Variants in ASTN2 observed in about 807,000 individuals in gnomAD.
ASTN2 encodes the protein astrotactin 2, also known as astrotactin-2.
A neutral mutation model predicts 139.8 loss-of-function variants in ASTN2; 54 were observed. That is an observed-to-expected ratio of 0.39 (90% CI 0.31 to 0.48). The LOEUF (loss-of-function observed/expected upper bound fraction) is 0.48, where lower values mean the gene tolerates loss of function less well. Among genes scored for constraint, ASTN2 ranks in the 20% least tolerant of loss-of-function variants. The probability of loss-of-function intolerance (pLI) is 0.95; values close to 1 mark genes in which losing one functional copy is unlikely to be tolerated. For synonymous variants in ASTN2, 756 were observed against 719.5 expected, an observed-to-expected ratio of 1.05 and a Z score of -0.81; for missense variants, 1,565 against 1,725.1, an observed-to-expected ratio of 0.91 and a Z score of 1.64.
At chr9:116,458,178 T>C (rs556402750) in intron 20 of ASTN2, among the ~76,000 whole-genome samples, 1 of 151,350 alleles carries the variant, frequency 6.6e-6, no homozygotes, top group Non-Finnish European at 1.5e-5. Flanking sequence ...CTAATCGAGC[T>C]AGAGGATAGA....
chr9:116,650,572 T>C (rs948800321), intron 17 of ASTN2, among the ~76,000 whole-genome samples: 1 of 152,152 alleles, frequency 6.6e-6, no homozygotes, highest in African/African-American at 2.4e-5. Flanking sequence ...CAATTTCATA[T>C]GAATCGAACC....
intron 2 of ASTN2, among the ~76,000 whole-genome samples, chr9:117,255,118 T>C (rs977643665): frequency 6.6e-6 from 1 of 152,212 alleles, no homozygotes; most frequent in Non-Finnish European, 1.5e-5. Context: ...CTTATTCCAT[T>C]CTGGGCATCC....
At chr9:116,526,829 T>C (rs1045972801) in intron 19 of ASTN2, among the ~76,000 whole-genome samples, 4 of 152,094 alleles carry the variant, frequency 2.6e-5, no homozygotes, top group African/African-American at 9.7e-5. Flanking sequence ...AAGCAAGTGA[T>C]TAGAGAATGT....
chr9:117,040,317 G>A (rs1239327214), intron 5 of ASTN2, among the ~76,000 whole-genome samples: 1 of 152,198 alleles, frequency 6.6e-6, no homozygotes, highest in Non-Finnish European at 1.5e-5. Context: ...AGAGGCAAGT[G>A]AGAAGATACC....
intron 3 of ASTN2, among the ~76,000 whole-genome samples, chr9:117,206,473 ACTT>A (rs1187268208): frequency 6.6e-6 from 1 of 152,116 alleles, no homozygotes; most frequent in African/African-American, 2.4e-5. Flanking sequence ...CAGCATGTGT[ACTT>A]CTCACTTCCA....
At chr9:116,638,505 G>A (rs1857177775) in intron 17 of ASTN2, among the ~76,000 whole-genome samples, 1 of 149,606 alleles carries the variant, frequency 6.7e-6, no homozygotes, top group African/African-American at 2.4e-5. Context: ...TTTGTCTACA[G>A]GTTTTTCAAT....
At chr9:116,450,904 TC>T (rs1489208899) in intron 20 of ASTN2, among the ~76,000 whole-genome samples, 2 of 152,320 alleles carry the variant, frequency 1.3e-5, no homozygotes, top group East Asian at 3.9e-4. Context: ...AGGACTCCCA[TC>T]CTAGTTTCTA....
chr9:116,959,181 T>C (rs1835808845), intron 10 of ASTN2, among the ~76,000 whole-genome samples: 1 of 152,110 alleles, frequency 6.6e-6, no homozygotes, highest in Non-Finnish European at 1.5e-5. Context: ...GCTTCTACAA[T>C]GGATGTGTGA....
intron 2 of ASTN2, among the ~76,000 whole-genome samples, chr9:117,261,386 C>T (rs1462884045): frequency 6.6e-6 from 1 of 152,166 alleles, no homozygotes; most frequent in East Asian, 1.9e-4. Flanking sequence ...GCATAGGCAG[C>T]AGATCTGTTC....
chr9:116,459,814 C>T (rs1223290905), intron 20 of ASTN2, among the ~76,000 whole-genome samples: 2 of 152,004 alleles, frequency 1.3e-5, no homozygotes, highest in Non-Finnish European at 2.9e-5. Context: ...AAATGCAGAA[C>T]GGTGCAGCCA....
At chr9:116,502,806 T>C (rs1191665108) in intron 19 of ASTN2, among the ~76,000 whole-genome samples, 4 of 69,474 alleles carry the variant, frequency 5.8e-5, no homozygotes, top group Admixed American at 1.8e-4. Context: ...AGGAAGGAGG[T>C]AGAAAAGAAG....
intron 18 of ASTN2, 57 bp from the exon 19 acceptor site, chr9:116,618,529 A>G (rs1030156574): frequency 2.8e-5 from 43 of 1,548,356 alleles, no homozygotes; most frequent in Non-Finnish European, 3.4e-5. Context: ...CTGGGGCCCA[A>G]AAGAATCCGC....
At chr9:116,759,303 T>C (rs1829615813) in intron 13 of ASTN2, among the ~76,000 whole-genome samples, 1 of 152,206 alleles carries the variant, frequency 6.6e-6, no homozygotes, top group African/African-American at 2.4e-5. Flanking sequence ...CCTAGACCTT[T>C]AGCCCTATAG....
chr9:117,211,127 T>G (rs1017648834), intron 3 of ASTN2, among the ~76,000 whole-genome samples: 2 of 151,938 alleles, frequency 1.3e-5, no homozygotes, highest in Admixed American at 1.3e-4. Flanking sequence ...AAGACAAAAA[T>G]GTCCACTCTA....
chr9:117,104,617 T>C (rs150391373), intron 4 of ASTN2, among the ~76,000 whole-genome samples: 81 of 152,310 alleles, frequency 5.3e-4, no homozygotes, highest in African/African-American at 1.7e-3. Flanking sequence ...ATAAAATATA[T>C]GTAAATACAC....
intron 10 of ASTN2, among the ~76,000 whole-genome samples, chr9:116,936,498 G>A (rs576787829): frequency 2.0e-5 from 3 of 152,134 alleles, no homozygotes; most frequent in African/African-American, 7.2e-5. Context: ...AAGGTCACTC[G>A]ATCAGCAAGT....
intron 13 of ASTN2, among the ~76,000 whole-genome samples, chr9:116,739,612 CTTG>C (rs1203362988): frequency 3.3e-5 from 5 of 152,316 alleles, no homozygotes; most frequent in East Asian, 1.9e-4. Context: ...CTTATAGTAT[CTTG>C]TTGTTTTCCA....
At chr9:117,056,382 T>G (rs1839064662) in intron 5 of ASTN2, among the ~76,000 whole-genome samples, 1 of 152,150 alleles carries the variant, frequency 6.6e-6, no homozygotes, top group South Asian at 2.1e-4. Flanking sequence ...AGACTTCCAT[T>G]CATCTAGAAA....
At chr9:117,017,251 C>A (rs9775674) in intron 6 of ASTN2, among the ~76,000 whole-genome samples, 11,691 of 151,772 alleles carry the variant, frequency 0.077, 1,232 homozygotes, top group African/African-American at 0.24. Flanking sequence ...TAATTTAATT[C>A]TTTCTTTATT....
Sources: gnomAD v4.1 joint callset for allele counts (sites outside exome capture counted in the v4.1 genomes callset) on GRCh38, gnomAD v4.1.1 for gene constraint, MANE v1.5 for transcripts, NCBI Gene and HGNC (gene_info 2026-07-23, HGNC 2026-07-21) for gene names.